GSK3B: variants seen among roughly 807,000 people sequenced by gnomAD.
GSK3B encodes the protein glycogen synthase kinase-3 beta.
Under a neutral mutation model 56.4 loss-of-function variants are expected in GSK3B, and 15 were observed. The observed-to-expected ratio is 0.27, with a 90% CI of 0.18 to 0.41. GSK3B has a LOEUF of 0.41. Among genes scored for constraint, GSK3B ranks in the 10% least tolerant of loss-of-function variants. The probability of loss-of-function intolerance (pLI) is 1.00; values close to 1 mark genes in which losing one functional copy is unlikely to be tolerated. For missense variants in GSK3B, 300 were observed against 513.4 expected (o/e 0.58, Z 4.02); for synonymous variants, 181 against 188.9 (o/e 0.96, Z 0.34).
rs184532476 is a variant in GSK3B at position 120,002,120 on chromosome 3, C to T, written c.208G>A (p.Val70Ile). 6.2e-7 allele frequency: 1 copy of T among 1,611,838 alleles called. No homozygotes were observed. Among genetic ancestry groups the T allele is most frequent in the African/African-American group, 1.3e-5 (1 of 74,806 alleles). ...KVIGNGSFGV[V>I]YQAKLCDSGE... ...GAATCACAAAGTTTGGCTTGATATA[C>T]CACACCAAATGATCCATTTCCAATC... The change falls in exon 2 of 11, where the codon GTA becomes ATA. Residue 70 changes from valine to isoleucine, a missense_variant. Val to Ile is a conservative substitution (Grantham distance 29). Transcript: ENST00000264235.
chr3:119,824,324 T>C lies in GSK3B; in HGVS notation c.*2464A>G. Reference sequence around the variant, plus strand: ...ATCCTTGAGAAAGAAAAATCACACATCTCAGCACACACACACACACACACA... The same window carrying C: ...ATCCTTGAGAAAGAAAAATCACACACCTCAGCACACACACACACACACACA... On this transcript the variant is annotated 3_prime_UTR_variant, in exon 11 of 11. Coordinates refer to ENST00000264235, the MANE Select transcript of GSK3B (RefSeq NM_001146156.2). The C allele has an allele frequency of 5.9e-6, 1 of 170,174 alleles. No individual in the cohort carries two copies. The highest frequency in any genetic ancestry group is 1.1e-5 in the Non-Finnish European group (1 of 91,788). The allele number at this position is 170,174 out of a possible 1,614,324, so 10.5% of individuals were successfully genotyped here. A position where few individuals can be genotyped will look rare whatever the true frequency, so the allele number is the denominator to read the frequency against.
intron 9 of GSK3B, among the ~76,000 whole-genome samples, chr3:119,846,966 A>C (rs1362025968): frequency 1.3e-5 from 2 of 152,196 alleles, no homozygotes; most frequent in African/African-American, 4.8e-5. Flanking sequence ...ATAAAAAAAG[A>C]ATGAGTTCAT....
At chr3:119,879,683 C>T (rs945635265) in intron 7 of GSK3B, among the ~76,000 whole-genome samples, 2 of 152,136 alleles carry the variant, frequency 1.3e-5, no homozygotes. Context: ...ATTCTACTCC[C>T]TATCTCCATG....
chr3:119,955,408 C>T (rs745450767), intron 2 of GSK3B, among the ~76,000 whole-genome samples: 1 of 152,048 alleles, frequency 6.6e-6, no homozygotes, highest in Non-Finnish European at 1.5e-5. Flanking sequence ...CCTGAGAATA[C>T]AAAAATTTAC....
At chr3:120,011,494 A>G (rs1430031423) in intron 1 of GSK3B, among the ~76,000 whole-genome samples, 2 of 152,234 alleles carry the variant, frequency 1.3e-5, no homozygotes, top group Admixed American at 1.3e-4. Context: ...TGGAAAGGTA[A>G]AACAGGTCCT....
chr3:119,873,155 A>G (rs1397703951), intron 8 of GSK3B, among the ~76,000 whole-genome samples: 2 of 152,020 alleles, frequency 1.3e-5, no homozygotes, highest in African/African-American at 4.8e-5. Flanking sequence ...GGCTATTGCT[A>G]TTTATGTAAT....
At chr3:119,984,211 G>A (rs574523483) in intron 2 of GSK3B, among the ~76,000 whole-genome samples, 13 of 152,270 alleles carry the variant, frequency 8.5e-5, no homozygotes, top group African/African-American at 2.6e-4. Flanking sequence ...AAAGCAGTGT[G>A]TAGAGGGAAA....
chr3:120,075,968 A>T (rs2058364205), intron 1 of GSK3B, among the ~76,000 whole-genome samples: 1 of 152,196 alleles, frequency 6.6e-6, no homozygotes, highest in African/African-American at 2.4e-5. Flanking sequence ...TCCTGAGTTA[A>T]AATTAAATTA....
intron 8 of GSK3B, among the ~76,000 whole-genome samples, chr3:119,865,765 G>C (rs949652092): frequency 4.6e-5 from 7 of 151,770 alleles, no homozygotes; most frequent in Non-Finnish European, 5.9e-5. Flanking sequence ...CACCGTGCCC[G>C]GCCTATTTCC....
At chr3:119,874,896 A>G (rs1221970591) in intron 8 of GSK3B, among the ~76,000 whole-genome samples, 2 of 152,084 alleles carry the variant, frequency 1.3e-5, no homozygotes, top group Non-Finnish European at 2.9e-5. Flanking sequence ...TAAACAATTT[A>G]ACTTGCAATA....
chr3:119,980,000 AC>A lies in GSK3B; in HGVS notation c.282+22045del, dbSNP rs74425113. 1.4e-3 allele frequency among the ~76,000 whole-genome samples: 216 copies of A among 152,216 alleles called. No homozygotes were observed. The East Asian group carries it at 0.019, about 13-fold the overall frequency. ...GGAAATTAGCAGAGAGAAAAAAAAA[AC>A]GTTATAGCTACTGAATCTTCTTCTG... is the stretch of plus-strand genomic sequence containing the variant. On this transcript the variant is annotated intron_variant, in intron 2 of 10. Coordinates refer to ENST00000264235, the MANE Select transcript of GSK3B (RefSeq NM_001146156.2).
At position 120,093,423 on chromosome 3, in the gene GSK3B, C is replaced by A; in HGVS notation, c.12G>T (p.Arg4=). MSG[R]PRTTSFAESC... Reference sequence around the variant, plus strand: ...TCTCCGCAAAGGAGGTGGTTCTGGGCCGCCCTGACATGATCACTCTCTTCG... The same window carrying A: ...TCTCCGCAAAGGAGGTGGTTCTGGGACGCCCTGACATGATCACTCTCTTCG... Residue 4 remains arginine (R), a synonymous_variant, in exon 1 of 11, where the codon CGG becomes CGT. Coordinates refer to ENST00000264235, the MANE Select transcript of GSK3B (RefSeq NM_001146156.2). 1 of 1,611,714 alleles carries A rather than the reference C, an allele frequency of 6.2e-7. No individual in the cohort carries two copies. Among genetic ancestry groups the A allele is most frequent in the Non-Finnish European group, 8.5e-7 (1 of 1,177,808 alleles).
intron 2 of GSK3B, among the ~76,000 whole-genome samples, chr3:119,961,918 G>A (rs2057276424): frequency 6.6e-6 from 1 of 152,162 alleles, no homozygotes; most frequent in Non-Finnish European, 1.5e-5. Context: ...TCCACCTGCA[G>A]GCCAACATAG....
chr3:120,089,176 A>C (rs1157719892), intron 1 of GSK3B, among the ~76,000 whole-genome samples: 1 of 152,222 alleles, frequency 6.6e-6, no homozygotes, highest in East Asian at 1.9e-4. Flanking sequence ...TGCAGTTCCC[A>C]ATCAGCCATA....
chr3:120,058,570 C>CAA (rs201490101), intron 1 of GSK3B, among the ~76,000 whole-genome samples: 1 of 143,302 alleles, frequency 7.0e-6, no homozygotes, highest in Non-Finnish European at 1.5e-5. Flanking sequence ...ACTTTAGTAT[C>CAA]AAAAAAAAAA....
chr3:120,093,282 T>C (rs972398438), intron 1 of GSK3B, 65 bp downstream of exon 1: 17 of 1,018,364 alleles, frequency 1.7e-5, no homozygotes, highest in Middle Eastern at 2.1e-4. Flanking sequence ...CAGATCCTGG[T>C]ATTTCGAGGT....
intron 6 of GSK3B, among the ~76,000 whole-genome samples, chr3:119,906,546 G>T (rs2056684459): frequency 6.6e-6 from 1 of 152,012 alleles, no homozygotes; most frequent in African/African-American, 2.4e-5. Context: ...GTTTACCCAG[G>T]ATAGTTATGG....
At chr3:120,079,434 G>A (rs2058398285) in intron 1 of GSK3B, among the ~76,000 whole-genome samples, 1 of 150,044 alleles carries the variant, frequency 6.7e-6, no homozygotes, top group South Asian at 2.1e-4. Context: ...TTGCTCTCTT[G>A]CCCAGGCTGG....
intron 8 of GSK3B, among the ~76,000 whole-genome samples, chr3:119,865,669 C>A (rs2056173282): frequency 6.6e-6 from 1 of 151,344 alleles, no homozygotes; most frequent in African/African-American, 2.4e-5. Flanking sequence ...TGGGGTTTCA[C>A]CGTGTTAGCC....
Sources: gnomAD v4.1 joint callset for allele counts (sites outside exome capture counted in the v4.1 genomes callset) on GRCh38, gnomAD v4.1.1 for gene constraint, MANE v1.5 for transcripts, NCBI Gene and HGNC (gene_info 2026-07-23, HGNC 2026-07-21) for gene names.